The following DLGAP2 variants were observed in gnomAD, a reference collection of about 807,000 sequenced individuals.
DLGAP2 encodes disks large-associated protein 2.
In DLGAP2, 26 loss-of-function variants were observed where a neutral mutation model predicts 100.3. The observed-to-expected ratio is 0.26, with a 90% CI of 0.19 to 0.36. The LOEUF (loss-of-function observed/expected upper bound fraction) is 0.36. Ranked by LOEUF, DLGAP2 falls within the 10% of genes least tolerant of loss-of-function variation. The pLI, the probability that DLGAP2 is intolerant of heterozygous loss-of-function variation, is 1.00. For missense variants in DLGAP2, 1,858 were observed against 1,453.2 expected (o/e 1.28, Z -4.53); for synonymous variants, 886 against 630.1 (o/e 1.41, Z -6.08).
intron 1 of DLGAP2, among the ~76,000 whole-genome samples, chr8:833,640 C>T (rs577768730): frequency 6.6e-6 from 1 of 152,204 alleles, no homozygotes; most frequent in South Asian, 2.1e-4. Flanking sequence ...CTCGGCTTCT[C>T]CCCTTTGCAA....
At chr8:989,249 C>G (rs545251049) in intron 2 of DLGAP2, among the ~76,000 whole-genome samples, 15 of 152,252 alleles carry the variant, frequency 9.9e-5, no homozygotes, top group Non-Finnish European at 1.8e-4. Context: ...TCTGGGTTCC[C>G]AGGAAGGAGC....
At chr8:1,060,026 G>A (rs1393669565) in intron 2 of DLGAP2, among the ~76,000 whole-genome samples, 1 of 152,164 alleles carries the variant, frequency 6.6e-6, no homozygotes, top group East Asian at 1.9e-4. Context: ...GGGATGGCTG[G>A]GTGAACTGGA....
intron 1 of DLGAP2, among the ~76,000 whole-genome samples, chr8:890,311 C>G (rs767625570): frequency 1.3e-5 from 2 of 152,194 alleles, no homozygotes; most frequent in Non-Finnish European, 2.9e-5. Context: ...TGCTGCAGGA[C>G]TTTTCAGAGC....
chr8:1,175,455 T>C (rs116393236), intron 2 of DLGAP2, among the ~76,000 whole-genome samples: 280 of 152,340 alleles, frequency 1.8e-3, no homozygotes, highest in African/African-American at 6.2e-3. Context: ...GAAACTATTA[T>C]AAAAGCATAA....
At chr8:1,342,434 C>G (rs1474106984) in intron 3 of DLGAP2, among the ~76,000 whole-genome samples, 1 of 152,102 alleles carries the variant, frequency 6.6e-6, no homozygotes, top group Non-Finnish European at 1.5e-5. Flanking sequence ...TAGTGTTGAC[C>G]CACTCTGTTG....
At chr8:931,639 T>G (rs574291518) in intron 2 of DLGAP2, among the ~76,000 whole-genome samples, 2 of 152,264 alleles carry the variant, frequency 1.3e-5, no homozygotes, top group East Asian at 3.9e-4. Context: ...TCTGGAACCC[T>G]TGCCAGCCCA....
chr8:915,072 C>T lies in DLGAP2; in HGVS notation c.73+7106C>T, dbSNP rs117957375. Among the ~76,000 whole-genome samples the T allele has an allele frequency of 4.2e-3, 639 of 152,304 alleles. 9 individuals carry two copies. The East Asian group carries it at 0.058, about 14-fold the overall frequency. On this transcript the variant is annotated intron_variant, in intron 2 of 14. Coordinates refer to ENST00000637795, the MANE Select transcript of DLGAP2 (RefSeq NM_001346810.2). ...CCACAGGTTCCTGTGAGAGGGTCTA[C>T]GCCAGGTCCTTAGAGAAGGATGGTT...
chr8:1,353,791 C>T (rs536743289), intron 3 of DLGAP2, among the ~76,000 whole-genome samples: 20 of 151,870 alleles, frequency 1.3e-4, no homozygotes, highest in African/African-American at 3.6e-4. Context: ...GGCAAAAACA[C>T]GACAGGAAAA....
intron 2 of DLGAP2, among the ~76,000 whole-genome samples, chr8:1,098,541 G>T (rs1431234683): frequency 2.0e-5 from 3 of 151,732 alleles, no homozygotes; most frequent in Admixed American, 1.3e-4. Context: ...GACAGGCACA[G>T]CGGGCTGGCC....
At chr8:1,381,639 T>C (rs1796097199) in intron 3 of DLGAP2, among the ~76,000 whole-genome samples, 1 of 152,162 alleles carries the variant, frequency 6.6e-6, no homozygotes, top group Admixed American at 6.5e-5. Flanking sequence ...AATCTGGGTT[T>C]TTCTAGTTCC....
rs185555678 is a variant in DLGAP2 at position 1,118,674 on chromosome 8, A to T, written c.74-140177A>T. Among the ~76,000 whole-genome samples, 157 of 152,288 alleles carry T rather than the reference A, an allele frequency of 1.0e-3. 2 individuals are homozygous for T. Among genetic ancestry groups the T allele is most frequent in the Non-Finnish European group, 1.7e-3 (117 of 68,022 alleles). On this transcript the variant is annotated intron_variant, in intron 2 of 14. Transcript: ENST00000637795. ...GGGCATTTTGTCAGTGCTTAGAGCA[A>T]CCTTCAAGATCATGACACTCTGCTA...
At chr8:1,434,364 C>T (rs1018961437) in intron 3 of DLGAP2, among the ~76,000 whole-genome samples, 1 of 152,204 alleles carries the variant, frequency 6.6e-6, no homozygotes, top group African/African-American at 2.4e-5. Flanking sequence ...CACGTGCAGA[C>T]AGCAAGCACT....
At chr8:781,441 A>G (rs1304156339) in intron 1 of DLGAP2, among the ~76,000 whole-genome samples, 1 of 152,096 alleles carries the variant, frequency 6.6e-6, no homozygotes, top group African/African-American at 2.4e-5. Context: ...TGCTATTTTA[A>G]TTGCTTAAAA....
chr8:1,139,064 T>C (rs1796475028), intron 2 of DLGAP2, among the ~76,000 whole-genome samples: 2 of 152,268 alleles, frequency 1.3e-5, no homozygotes, highest in African/African-American at 4.8e-5. Flanking sequence ...TTGAAATTGC[T>C]CTGGAAGTCC....
intron 3 of DLGAP2, among the ~76,000 whole-genome samples, chr8:1,440,828 C>A (rs1417282858): frequency 2.6e-5 from 4 of 152,174 alleles, no homozygotes; most frequent in Non-Finnish European, 2.9e-5. Context: ...TTTTTATATT[C>A]CAGCAACCAC....
chr8:835,115 G>C (rs180818379), intron 1 of DLGAP2, among the ~76,000 whole-genome samples: 3 of 152,138 alleles, frequency 2.0e-5, no homozygotes, highest in Non-Finnish European at 2.9e-5. Context: ...GTTTGTGGAG[G>C]GGGGGCTGCT....
chr8:911,414 C>T (rs1584883504), intron 2 of DLGAP2, among the ~76,000 whole-genome samples: 1 of 151,662 alleles, frequency 6.6e-6, no homozygotes, highest in Non-Finnish European at 1.5e-5. Flanking sequence ...TGGAAACATA[C>T]TGGAGAATGT....
At chr8:814,160 G>A (rs1796421128) in intron 1 of DLGAP2, among the ~76,000 whole-genome samples, 3 of 152,132 alleles carry the variant, frequency 2.0e-5, no homozygotes, top group Admixed American at 2.0e-4. Context: ...TCACAATTTA[G>A]TTTATTTTCC....
chr8:783,043 T>C (rs780649009), intron 1 of DLGAP2, among the ~76,000 whole-genome samples: 4 of 152,220 alleles, frequency 2.6e-5, no homozygotes, highest in African/African-American at 7.2e-5. Flanking sequence ...ATAAAGCTGA[T>C]GCAATTGACT....
Sources: gnomAD v4.1 joint callset for allele counts (sites outside exome capture counted in the v4.1 genomes callset) on GRCh38, gnomAD v4.1.1 for gene constraint, MANE v1.5 for transcripts, NCBI Gene and HGNC (gene_info 2026-07-23, HGNC 2026-07-21) for gene names.